Variants in ARAP2 observed in about 807,000 individuals in gnomAD.
The protein encoded by ARAP2 is ArfGAP with RhoGAP domain, ankyrin repeat and PH domain 2.
A neutral mutation model predicts 194.5 loss-of-function variants in ARAP2; 148 were observed. The observed-to-expected ratio is 0.76, with a 90% CI of 0.67 to 0.87. The LOEUF is 0.87. Among genes scored for constraint, ARAP2 ranks in the 40% least tolerant of loss-of-function variants. The pLI, the probability that ARAP2 is intolerant of heterozygous loss-of-function variation, is 0.00. For synonymous variants in ARAP2, 695 were observed against 683.5 expected (o/e 1.02, Z -0.26); for missense variants, 2,128 against 1,989.7 (o/e 1.07, Z -1.32).
intron 14 of ARAP2, 130 bp from the exon 15 acceptor site, chr4:36,158,994 G>C: frequency 1.1e-6 from 1 of 882,520 alleles, no homozygotes. Context: ...TAATTACAGA[G>C]ATACTTATTT....
At chr4:36,170,353 C>T (rs1233433066) in intron 9 of ARAP2, among the ~76,000 whole-genome samples, 1 of 152,128 alleles carries the variant, frequency 6.6e-6, no homozygotes, top group African/African-American at 2.4e-5. Context: ...TTTGGGAGGC[C>T]AAGGTGAGAG....
chr4:36,063,511 C>T (rs533598083), downstream of ARAP2, among the ~76,000 whole-genome samples: 17 of 151,954 alleles, frequency 1.1e-4, no homozygotes, highest in African/African-American at 3.1e-4. Flanking sequence ...TGACCATGGA[C>T]GAAGCAGCTC....
At chr4:36,114,405 G>C in intron 25 of ARAP2, 118 bp from the exon 26 acceptor site, 2 of 661,270 alleles carry the variant, frequency 3.0e-6, no homozygotes, top group East Asian at 2.8e-5. Context: ...TTTGAGCATG[G>C]TTAAAACCAG....
chr4:36,027,596 G>A lies in ARAP2; in HGVS notation n.608-8310C>T, dbSNP rs546810708. On this transcript the variant is annotated intron_variant and non_coding_transcript_variant, in intron 5 of 12. Transcript: ENST00000503225. ...AATAACCACAACAATAACTACGATT[G>A]CCACTACAGTCTTAACAGCATGATA... Among the ~76,000 whole-genome samples, 234 of 151,984 alleles carry A rather than the reference G, an allele frequency of 1.5e-3. 1 individual carries two copies. Among genetic ancestry groups the A allele is most frequent in the African/African-American group, 5.5e-3 (227 of 41,466 alleles).
At chr4:36,200,517 A>C (rs1744147549) in intron 6 of ARAP2, among the ~76,000 whole-genome samples, 1 of 152,142 alleles carries the variant, frequency 6.6e-6, no homozygotes, top group Admixed American at 6.5e-5. Context: ...GGCCTCCCAA[A>C]GTGCTGGGAT....
intron 8 of ARAP2, among the ~76,000 whole-genome samples, chr4:36,015,108 T>G (rs1205165943): frequency 6.6e-6 from 1 of 152,224 alleles, no homozygotes; most frequent in Non-Finnish European, 1.5e-5. Flanking sequence ...CTTCCAGATT[T>G]CTTGTTATGT....
At chr4:36,180,054 T>A (rs1738872094) in intron 8 of ARAP2, among the ~76,000 whole-genome samples, 1 of 152,050 alleles carries the variant, frequency 6.6e-6, no homozygotes, top group Non-Finnish European at 1.5e-5. Context: ...GGGAGGAACA[T>A]TTGAGGTCAG....
At chr4:36,064,163 C>T (rs187662780), downstream of ARAP2, among the ~76,000 whole-genome samples, 183 of 150,872 alleles carry the variant, frequency 1.2e-3, no homozygotes, top group Middle Eastern at 6.8e-3. Flanking sequence ...ATTGAGAGTG[C>T]CTTTGAGCAC....
At chr4:36,009,789 A>C (rs894843984) in intron 9 of ARAP2, among the ~76,000 whole-genome samples, 1 of 87,124 alleles carries the variant, frequency 1.1e-5, no homozygotes, top group African/African-American at 4.1e-5. Flanking sequence ...AGGGGATGAA[A>C]AAGGAACTCT....
intron 31 of ARAP2, among the ~76,000 whole-genome samples, chr4:36,079,811 C>G (rs1729093311): frequency 6.6e-6 from 1 of 152,068 alleles, no homozygotes; most frequent in Non-Finnish European, 1.5e-5. Context: ...GGTTCCTGTC[C>G]TTGTTTCTGG....
At chr4:36,137,286 C>G (rs1727075775) in intron 19 of ARAP2, among the ~76,000 whole-genome samples, 1 of 151,762 alleles carries the variant, frequency 6.6e-6, no homozygotes, top group African/African-American at 2.4e-5. Context: ...CCAAGCATTG[C>G]AAAAATGGAA....
intron 1 of ARAP2, among the ~76,000 whole-genome samples, chr4:36,230,063 G>A (rs1237501089): frequency 6.6e-6 from 1 of 152,134 alleles, no homozygotes; most frequent in African/African-American, 2.4e-5. Context: ...ATAAAAAACT[G>A]TTTAATGTCC....
intron 6 of ARAP2, among the ~76,000 whole-genome samples, chr4:36,206,771 C>T (rs552313962): frequency 6.6e-6 from 1 of 152,296 alleles, no homozygotes; most frequent in East Asian, 1.9e-4. Flanking sequence ...TCCTCCTCCA[C>T]CTCCAAGTGC....
At chr4:36,231,704 C>G (rs561115999) in intron 1 of ARAP2, among the ~76,000 whole-genome samples, 2 of 152,130 alleles carry the variant, frequency 1.3e-5, no homozygotes, top group Non-Finnish European at 2.9e-5. Flanking sequence ...CATACACACA[C>G]GCACACCAAG....
chr4:36,147,532 A>C lies in ARAP2; in HGVS notation c.3199+16T>G. ...AGAAAAGTGTTCCAAAGATAAGGGA[A>C]GAAAAAAGCTCTTACTTAGCTCTTG... On this transcript the variant is annotated intron_variant, in intron 18 of 32. Transcript: ENST00000303965. 3.1e-6 allele frequency: 5 copies of C among 1,597,954 alleles called. No individual in the cohort carries two copies. The highest frequency in any genetic ancestry group is 3.4e-6 in the Non-Finnish European group (4 of 1,174,416).
rs1355206005 is a variant in ARAP2, at chr4:36,033,493, CG to C, written n.607+12485del. Among the ~76,000 whole-genome samples the C allele has an allele frequency of 1.7e-4, 11 of 65,428 alleles. No homozygotes were observed. In the East Asian group the frequency reaches 3.1e-3, roughly 18 times the overall value. The allele number at this position is 65,428 out of a possible 152,430, so 42.9% of individuals were successfully genotyped here. A position where few individuals can be genotyped will look rare whatever the true frequency, so the allele number is the denominator to read the frequency against. On this transcript the variant is annotated intron_variant and non_coding_transcript_variant, in intron 5 of 12. Coordinates refer to the ARAP2 transcript ENST00000503225. Reference sequence around the variant, plus strand: ...TCCTTTGCCAACTTTTCAATGGGGTCGTTTTTTTTTTTCTTGTAAATTGGAT... The same window carrying C: ...TCCTTTGCCAACTTTTCAATGGGGTCTTTTTTTTTTTCTTGTAAATTGGAT...
At chr4:36,167,084 C>CA (rs3055951) in intron 9 of ARAP2, 37 bp from the exon 10 acceptor site, 23,291 of 1,116,588 alleles carry the variant, frequency 0.021, 497 homozygotes, top group African/African-American at 0.12. Context: ...TATAAAGAAA[C>CA]AAAAAAAAAG....
chr4:36,109,631 T>C (rs1577917109), intron 26 of ARAP2, among the ~76,000 whole-genome samples: 1 of 151,986 alleles, frequency 6.6e-6, no homozygotes, highest in East Asian at 1.9e-4. Flanking sequence ...AACTCATAAG[T>C]TTGTTGTCTT....
intron 31 of ARAP2, among the ~76,000 whole-genome samples, chr4:36,076,087 C>T (rs1206357673): frequency 6.6e-6 from 1 of 152,120 alleles, no homozygotes; most frequent in African/African-American, 2.4e-5. Context: ...CTATAGTCAT[C>T]TAAGTGAGTT....
Sources: allele counts gnomAD v4.1 joint callset (sites outside exome capture counted in the v4.1 genomes callset), GRCh38; gene constraint gnomAD v4.1.1; transcripts MANE v1.5; gene names NCBI Gene and HGNC (gene_info 2026-07-23, HGNC 2026-07-21).